CADPS: variants seen among roughly 807,000 people sequenced by gnomAD.
CADPS encodes calcium dependent secretion activator, also known as calcium-dependent secretion activator 1.
CADPS carries 57 observed loss-of-function variants against 167.3 expected under a neutral mutation model. The observed-to-expected ratio is 0.34, with a 90% CI of 0.28 to 0.42. The LOEUF is 0.42. Ranked by LOEUF, CADPS falls within the 20% of genes least tolerant of loss-of-function variation. CADPS has a pLI of 1.00. For missense variants in CADPS, 1,414 were observed against 1,738.1 expected (o/e 0.81, Z 3.32); for synonymous variants, 676 against 635.3 (o/e 1.06, Z -0.96).
intron 2 of CADPS, among the ~76,000 whole-genome samples, chr3:62,763,298 A>G (rs1485949475): frequency 1.3e-5 from 2 of 152,142 alleles, no homozygotes; most frequent in African/African-American, 4.8e-5. Context: ...CTAAACTGGT[A>G]GGATGTGCCC....
chr3:62,450,466 C>A (rs553148259), intron 26 of CADPS, among the ~76,000 whole-genome samples: 1 of 152,206 alleles, frequency 6.6e-6, no homozygotes, highest in Non-Finnish European at 1.5e-5. Flanking sequence ...CCCTCCTGAG[C>A]AGGTTCTCAA....
At chr3:62,840,199 C>T (rs994907142) in intron 1 of CADPS, among the ~76,000 whole-genome samples, 2 of 152,154 alleles carry the variant, frequency 1.3e-5, no homozygotes, top group Non-Finnish European at 2.9e-5. Context: ...CTTAAATTTT[C>T]CATCTACTTC....
At chr3:62,481,960 A>C in intron 21 of CADPS, 91 bp from the exon 22 acceptor site, 1 of 1,297,566 alleles carries the variant, frequency 7.7e-7, no homozygotes, top group Non-Finnish European at 1.1e-6. Flanking sequence ...TAAATTGACC[A>C]AGTCCACAGC....
chr3:62,636,802 C>A (rs545410403), intron 6 of CADPS, among the ~76,000 whole-genome samples: 1 of 152,126 alleles, frequency 6.6e-6, no homozygotes. Flanking sequence ...AGGATGTTGC[C>A]TTTTGGATTC....
At chr3:62,520,956 C>T (rs2070394826) in intron 13 of CADPS, among the ~76,000 whole-genome samples, 8 of 152,182 alleles carry the variant, frequency 5.3e-5, no homozygotes, top group Admixed American at 5.2e-4. Context: ...CTCTATAGAA[C>T]TATTAACTGA....
intron 8 of CADPS, among the ~76,000 whole-genome samples, chr3:62,572,262 C>T (rs2081426802): frequency 6.6e-6 from 1 of 152,110 alleles, no homozygotes; most frequent in South Asian, 2.1e-4. Context: ...CTTCTGTTTC[C>T]TCATCCTTAT....
At chr3:62,403,223 A>C (rs1228001508) in intron 28 of CADPS, 38 bp from the exon 29 acceptor site, 1 of 1,396,496 alleles carries the variant, frequency 7.2e-7, no homozygotes, top group South Asian at 1.2e-5. Flanking sequence ...CCAACACATC[A>C]TGGAGCATTT....
intron 3 of CADPS, among the ~76,000 whole-genome samples, chr3:62,666,133 CAA>C (rs2074355382): frequency 6.6e-6 from 1 of 152,156 alleles, no homozygotes; most frequent in Admixed American, 6.5e-5. Flanking sequence ...CATCTCTTGA[CAA>C]ATTTCCCTGG....
intron 6 of CADPS, among the ~76,000 whole-genome samples, chr3:62,644,737 C>T (rs1163321556): frequency 6.6e-6 from 1 of 152,166 alleles, no homozygotes; most frequent in African/African-American, 2.4e-5. Flanking sequence ...CTCCACCCAT[C>T]CCCACTCCCA....
At chr3:62,464,204 G>T (rs998448317) in intron 26 of CADPS, among the ~76,000 whole-genome samples, 4 of 152,144 alleles carry the variant, frequency 2.6e-5, no homozygotes, top group African/African-American at 9.7e-5. Flanking sequence ...GAAAACTGAG[G>T]TTCTGAGGGG....
rs1575584236 is a variant in CADPS, at chr3:62,405,141, G to GTT, written c.3778-1957_3778-1956insAA. Among the ~76,000 whole-genome samples the GTT allele has an allele frequency of 5.4e-5, 8 of 149,374 alleles. No homozygotes were observed. In the East Asian group the frequency reaches 7.9e-4, roughly 15 times the overall value. ...GTTGTAGCTGACATGTAATCTGGGG[G>GTT]GGGGGGGGGCTCAACAGATCTATTT... On this transcript the variant is annotated intron_variant, in intron 28 of 29. Coordinates refer to ENST00000383710, the MANE Select transcript of CADPS (RefSeq NM_003716.4).
chr3:62,812,721 A>C (rs1228485796), intron 1 of CADPS, among the ~76,000 whole-genome samples: 1 of 152,210 alleles, frequency 6.6e-6, no homozygotes, highest in African/African-American at 2.4e-5. Context: ...CTCTTTTAGG[A>C]AATTGATGTT....
chr3:62,787,542 T>C (rs1389372257), intron 1 of CADPS, among the ~76,000 whole-genome samples: 3 of 152,196 alleles, frequency 2.0e-5, no homozygotes, highest in South Asian at 2.1e-4. Context: ...CTTTTATCTA[T>C]ATTTTCCATA....
intron 10 of CADPS, among the ~76,000 whole-genome samples, chr3:62,552,548 T>C (rs909590776): frequency 1.3e-5 from 2 of 152,310 alleles, no homozygotes; most frequent in South Asian, 2.1e-4. Flanking sequence ...TCCTCAATTA[T>C]TAAAAACTAA....
intron 1 of CADPS, among the ~76,000 whole-genome samples, chr3:62,815,565 C>A (rs2094574942): frequency 6.6e-6 from 1 of 152,036 alleles, no homozygotes; most frequent in Admixed American, 6.6e-5. Flanking sequence ...CATTATGCTT[C>A]AATACCACTT....
chr3:62,466,386 G>C lies in CADPS; in HGVS notation c.3505C>G (p.Leu1169Val), dbSNP rs770301757. 1 of 1,611,340 alleles carries C rather than the reference G, an allele frequency of 6.2e-7. No homozygotes were observed. Among genetic ancestry groups the C allele is most frequent in the South Asian group, 1.1e-5 (1 of 90,954 alleles). Residue 1169 changes from leucine (L) to valine (V), a missense_variant, in exon 25 of 30, where the codon CTA (leucine) becomes GTA (valine). Physicochemically the swap from Leu to Val is conservative, Grantham distance 32. This residue lies in a region of CADPS where 185 missense variants were observed against 251.5 expected (regional missense o/e 0.74). Coordinates refer to ENST00000383710, the MANE Select transcript of CADPS (RefSeq NM_003716.4). ...ATTTCTTTAACAGTTTCTTCAATTAGTTCGTCTATTTTTGAATGGTATTGA... is the reference window on the plus strand; with the variant it reads ...ATTTCTTTAACAGTTTCTTCAATTACTTCGTCTATTTTTGAATGGTATTGA... Reference protein sequence around the residue: ...EHQYHSKIDELIEETVKEMIT... With the variant: ...EHQYHSKIDEVIEETVKEMIT...
chr3:62,427,061 C>T (rs1024265363), intron 28 of CADPS, among the ~76,000 whole-genome samples: 7 of 137,284 alleles, frequency 5.1e-5, no homozygotes, highest in Non-Finnish European at 7.7e-5. Context: ...GGTGACAGAG[C>T]GAGACTCCGT....
At position 62,753,387 on chromosome 3, in the gene CADPS, T is replaced by A. The variant is rs1479597497; in HGVS notation, c.888+54A>T. The A allele has an allele frequency of 7.8e-7, 1 of 1,281,844 alleles. No individual in the cohort carries two copies. Among genetic ancestry groups the A allele is most frequent in the Non-Finnish European group, 1.1e-6 (1 of 912,868 alleles). 79.4% of individuals were successfully genotyped at this position (1,281,844 alleles called of 1,614,324 possible). A position where few individuals can be genotyped will look rare whatever the true frequency, so the allele number is the denominator to read the frequency against. ...AAATCAAGAAGTATCTCATAGAAGTTGGAATGCAGCTCTGCTTACCCACAG... is the reference window on the plus strand; with the variant it reads ...AAATCAAGAAGTATCTCATAGAAGTAGGAATGCAGCTCTGCTTACCCACAG... On this transcript the variant is annotated intron_variant, in intron 3 of 29. Transcript: ENST00000383710. The surrounding 1 kb of genome is among the most constrained non-coding windows in gnomAD (Gnocchi z 4.6).
At chr3:62,786,034 GA>G (rs1198938360) in intron 1 of CADPS, among the ~76,000 whole-genome samples, 4 of 151,644 alleles carry the variant, frequency 2.6e-5, no homozygotes, top group African/African-American at 7.3e-5. Context: ...CCATCGTGGT[GA>G]AACCCCGTCT....
Sources: allele counts gnomAD v4.1 joint callset (sites outside exome capture counted in the v4.1 genomes callset), GRCh38; gene constraint gnomAD v4.1.1; regional missense constraint gnomAD v4.1.1; non-coding constraint Gnocchi (gnomAD v3.1); transcripts MANE v1.5; gene names NCBI Gene and HGNC (gene_info 2026-07-23, HGNC 2026-07-21).